SPATC1: variants seen among roughly 807,000 people sequenced by gnomAD.
SPATC1 encodes spermatogenesis and centriole associated 1.
In SPATC1, 35 loss-of-function variants were observed where a neutral mutation model predicts 36.5. The ratio of observed to expected loss-of-function variants is 0.96; its 90% CI spans 0.73 to 1.27. SPATC1 has a LOEUF of 1.27. SPATC1 is among the 50% of genes most tolerant of loss of function. The pLI is 0.00. For missense variants in SPATC1, 779 were observed against 796.0 expected (o/e 0.98, Z 0.26); for synonymous variants, 361 against 353.6 (o/e 1.02, Z -0.24).
rs1554755856 is a variant in SPATC1, at chr8:144,040,902, A to G, written c.1101A>G (p.Arg367=). 1 of 1,560,244 alleles carries G rather than the reference A, an allele frequency of 6.4e-7. No individual in the cohort carries two copies. The highest frequency in any genetic ancestry group is 2.3e-5 in the East Asian group (1 of 42,678). The change falls in exon 3 of 5, where the codon CGA becomes CGG. Residue 367 remains arginine, a synonymous_variant. Transcript: ENST00000377470. Reference sequence around the variant, plus strand: ...AGGGTGCCCCCCATCCCCCTTCCCGAATGCATAATTCCCCAACCCAGAACC... The same window carrying G: ...AGGGTGCCCCCCATCCCCCTTCCCGGATGCATAATTCCCCAACCCAGAACC... ...IAQGAPHPPS[R]MHNSPTQNLP...
rs1047394451 is a variant in SPATC1, at chr8:144,027,819, C to T, written c.212-12090C>T. Among the ~76,000 whole-genome samples, 179 of 152,102 alleles carry T rather than the reference C, an allele frequency of 1.2e-3. 2 individuals carry two copies. In the East Asian group the frequency reaches 0.014, roughly 12 times the overall value. ...ACCAGCCTGGCCAACATGGTGAAAT[C>T]CCATCTCTACTAAAAATACAAAAAT... On this transcript the variant is annotated intron_variant, in intron 1 of 4. Transcript: ENST00000377470.
At chr8:144,042,094 G>T (rs1010710479) in intron 4 of SPATC1, 30 of 801,922 alleles carry the variant, frequency 3.7e-5, no homozygotes, top group Non-Finnish European at 4.2e-5. Context: ...GTACACAACA[G>T]TGTATGTACC....
At chr8:144,024,905 T>C (rs1032861209) in intron 1 of SPATC1, among the ~76,000 whole-genome samples, 8 of 4,974 alleles carry the variant, frequency 1.6e-3, no homozygotes, top group Admixed American at 0.01. Context: ...TCCCTCTCCC[T>C]AAGGACCCTC....
chr8:144,031,958 G>A (rs1024422893), intron 1 of SPATC1, among the ~76,000 whole-genome samples: 5 of 152,042 alleles, frequency 3.3e-5, no homozygotes, highest in Admixed American at 6.6e-5. Flanking sequence ...GGGCTCAAGC[G>A]ATCTGCCCAC....
At chr8:144,020,943 A>G (rs2133106442) in intron 1 of SPATC1, among the ~76,000 whole-genome samples, 1 of 43,324 alleles carries the variant, frequency 2.3e-5, no homozygotes, top group Admixed American at 2.5e-4. Context: ...CCTCACCTTA[A>G]GTACCTCTAC....
At chr8:144,021,273 T>TCAGGACCC in intron 1 of SPATC1, among the ~76,000 whole-genome samples, 1 of 150,314 alleles carries the variant, frequency 6.7e-6, no homozygotes, top group Non-Finnish European at 1.5e-5. Flanking sequence ...CAGGACCCCC[T>TCAGGACCC]TCCCTCAGGT....
intron 1 of SPATC1, among the ~76,000 whole-genome samples, chr8:144,014,623 A>C (rs1172433899): frequency 6.6e-6 from 1 of 151,992 alleles, no homozygotes; most frequent in Non-Finnish European, 1.5e-5. Context: ...AGATCTTCCA[A>C]CTCCCAAAAG....
At chr8:144,039,847 C>G (rs1835011759) in intron 1 of SPATC1, 62 bp from the exon 2 acceptor site, 1 of 1,541,284 alleles carries the variant, frequency 6.5e-7, no homozygotes, top group Non-Finnish European at 8.8e-7. Flanking sequence ...GAGCCTGTGA[C>G]CACCCTCGCC....
chr8:144,033,496 G>A (rs1365937086), intron 1 of SPATC1, among the ~76,000 whole-genome samples: 1 of 152,128 alleles, frequency 6.6e-6, no homozygotes, highest in Admixed American at 6.5e-5. Context: ...GTTATTGTAA[G>A]ATTTTTATTA....
At position 144,045,417 on chromosome 8, in the gene SPATC1, C is replaced by A. The variant is rs1484400879; in HGVS notation, c.1447-1210C>A. ...GTCCAGCCCCAAGACTGGTACCCTG[C>A]GCCTGGAGCCTTCCCCGAGGGGTGG... On this transcript the variant is annotated intron_variant, in intron 4 of 4. Coordinates refer to ENST00000377470, the MANE Select transcript of SPATC1 (RefSeq NM_198572.3). The surrounding 1 kb of genome is among the most constrained non-coding windows in gnomAD (Gnocchi z 5.2). 1.3e-5 allele frequency among the ~76,000 whole-genome samples: 2 copies of A among 152,198 alleles called. No homozygotes were observed. Among genetic ancestry groups the A allele is most frequent in the Non-Finnish European group, 2.9e-5 (2 of 68,026 alleles).
At chr8:144,023,001 T>G (rs1170390976) in intron 1 of SPATC1, among the ~76,000 whole-genome samples, 1 of 129,822 alleles carries the variant, frequency 7.7e-6, no homozygotes, top group Non-Finnish European at 1.7e-5. Flanking sequence ...CTGAAAACCC[T>G]CTTCCCTCAA....
chr8:144,044,592 G>A (rs1835209577), intron 4 of SPATC1, among the ~76,000 whole-genome samples: 1 of 151,062 alleles, frequency 6.6e-6, no homozygotes, highest in East Asian at 2.0e-4. Context: ...ACAGGCGTGA[G>A]CCACCAAGCC....
chr8:144,035,543 T>C (rs1834881656), intron 1 of SPATC1, among the ~76,000 whole-genome samples: 1 of 152,214 alleles, frequency 6.6e-6, no homozygotes. Flanking sequence ...TTTCTGTGAA[T>C]TGCTCCCTCA....
At chr8:144,041,417 T>G (rs189235067) in intron 4 of SPATC1, 46 bp downstream of exon 4, 185 of 1,592,112 alleles carry the variant, frequency 1.2e-4, no homozygotes, top group Admixed American at 3.2e-4. Context: ...GGTTGGCCCA[T>G]GAGGGGCCGT....
In SPATC1 at chr8:144,041,226, C is replaced by A; in HGVS notation, c.1307-6C>A. 1 of 1,613,158 alleles carries A rather than the reference C, an allele frequency of 6.2e-7. No individual in the cohort carries two copies. On this transcript the variant is annotated splice_polypyrimidine_tract_variant and splice_region_variant and intron_variant, in intron 3 of 4. Transcript: ENST00000377470. ...CACCTGGGCTGACGAGACCCTGTGT[C>A]CCCAGAGTCGAAGCAGCTGGCCTGG...
chr8:144,032,225 G>A (rs1481829461), intron 1 of SPATC1, among the ~76,000 whole-genome samples: 1 of 152,038 alleles, frequency 6.6e-6, no homozygotes, highest in Non-Finnish European at 1.5e-5. Flanking sequence ...TGCCTGCCCA[G>A]ATCGGTTGAA....
chr8:144,046,735 C>G lies in SPATC1; in HGVS notation c.1555C>G (p.Arg519Gly). ...NRLQSLGYNG[R>G]VHPALTEQLV... Reference sequence around the variant, plus strand: ...GCTGCAGAGTCTGGGCTACAACGGGCGGGTGCACCCTGCGCTGACCGAGCA... The same window carrying G: ...GCTGCAGAGTCTGGGCTACAACGGGGGGGTGCACCCTGCGCTGACCGAGCA... The change falls in exon 5 of 5, where the codon CGG (arginine) becomes GGG (glycine). Residue 519 changes from arginine (R) to glycine (G), a missense_variant. Coordinates refer to ENST00000377470, the MANE Select transcript of SPATC1 (RefSeq NM_198572.3). This position sits in a 1 kb window ranked among gnomAD's most constrained non-coding sequence, Gnocchi z 6.6. 1 of 1,612,290 alleles carries G rather than the reference C, an allele frequency of 6.2e-7. No individual in the cohort carries two copies. The highest frequency in any genetic ancestry group is 8.5e-7 in the Non-Finnish European group (1 of 1,179,976).
intron 1 of SPATC1, among the ~76,000 whole-genome samples, chr8:144,031,440 A>ATT (rs1252369871): frequency 9.6e-6 from 1 of 104,426 alleles, no homozygotes; most frequent in Admixed American, 1.2e-4. Flanking sequence ...TGCTATCAAG[A>ATT]TTTTTTTTTC....
chr8:144,016,064 CAAA>C lies in SPATC1; in HGVS notation c.211+3350_211+3352del, dbSNP rs574460237. On this transcript the variant is annotated intron_variant, in intron 1 of 4. Transcript: ENST00000377470. The surrounding 1 kb of genome is among the most constrained non-coding windows in gnomAD (Gnocchi z 4.5). Reference sequence around the variant, plus strand: ...GCTGGAGACTTTTGAGACTCTGTCTCAAAAAAAAAAAAAAGAAAAAAGAAAGAA... The same window carrying C: ...GCTGGAGACTTTTGAGACTCTGTCTCAAAAAAAAAAAGAAAAAAGAAAGAA... 1.3e-5 allele frequency among the ~76,000 whole-genome samples: 1 copy of C among 78,430 alleles called. No individual in the cohort carries two copies. 51.5% of individuals were successfully genotyped at this position (78,430 alleles called of 152,430 possible). A position where few individuals can be genotyped will look rare whatever the true frequency, so the allele number is the denominator to read the frequency against.
Sources: allele counts gnomAD v4.1 joint callset (sites outside exome capture counted in the v4.1 genomes callset), GRCh38; gene constraint gnomAD v4.1.1; non-coding constraint Gnocchi (gnomAD v3.1); transcripts MANE v1.5; gene names NCBI Gene and HGNC (gene_info 2026-07-23, HGNC 2026-07-21).